Variants in LRP1B observed in about 807,000 individuals in gnomAD.
The protein encoded by LRP1B is low-density lipoprotein receptor-related protein 1B.
A neutral mutation model predicts 556.6 loss-of-function variants in LRP1B; 217 were observed. The observed-to-expected ratio is 0.39, with a 90% CI of 0.35 to 0.44. LRP1B has a LOEUF of 0.44. Ranked by LOEUF, LRP1B falls within the 20% of genes least tolerant of loss-of-function variation. The pLI is 1.00. For missense variants in LRP1B, 5,053 were observed against 5,620.8 expected (o/e 0.90, Z 3.23); for synonymous variants, 2,047 against 1,865.8 (o/e 1.10, Z -2.50).
chr2:140,675,763 C>T (rs995704693), intron 41 of LRP1B, among the ~76,000 whole-genome samples: 22 of 152,060 alleles, frequency 1.4e-4, no homozygotes, highest in African/African-American at 5.1e-4. Context: ...GGCAACAGAG[C>T]AAGACCCTGT....
chr2:141,398,815 C>T (rs550769443), intron 3 of LRP1B, among the ~76,000 whole-genome samples: 27 of 152,280 alleles, frequency 1.8e-4, no homozygotes, highest in African/African-American at 6.3e-4. Flanking sequence ...CTTGAGGGTC[C>T]GGCCAACAGC....
chr2:141,100,881 A>G (rs190963385), intron 7 of LRP1B, among the ~76,000 whole-genome samples: 2 of 152,096 alleles, frequency 1.3e-5, no homozygotes, highest in African/African-American at 4.8e-5. Flanking sequence ...GAAAAACAAC[A>G]TGGAGAACCC....
intron 35 of LRP1B, among the ~76,000 whole-genome samples, chr2:140,722,864 A>G (rs1687463515): frequency 6.6e-6 from 1 of 152,154 alleles, no homozygotes; most frequent in African/African-American, 2.4e-5. Flanking sequence ...TAACATGGTG[A>G]AACTCCATCT....
intron 6 of LRP1B, among the ~76,000 whole-genome samples, chr2:141,226,512 A>G (rs1183379327): frequency 6.6e-6 from 1 of 152,090 alleles, no homozygotes; most frequent in Admixed American, 6.6e-5. Context: ...TCCTTTGAAA[A>G]CTAAAATGTT....
intron 48 of LRP1B, 69 bp downstream of exon 48, chr2:140,526,168 T>G (rs1429835989): frequency 6.8e-7 from 1 of 1,470,212 alleles, no homozygotes; most frequent in Non-Finnish European, 9.5e-7. Context: ...AGTAAAATCT[T>G]GCACAGTGTT....
intron 77 of LRP1B, among the ~76,000 whole-genome samples, chr2:140,342,715 C>T (rs1681457562): frequency 6.6e-6 from 1 of 151,510 alleles, no homozygotes; most frequent in Admixed American, 6.6e-5. Context: ...GAAATCCCTA[C>T]TCAATCACCA....
chr2:141,239,716 A>C (rs565102969), intron 5 of LRP1B, among the ~76,000 whole-genome samples: 1 of 152,108 alleles, frequency 6.6e-6, no homozygotes, highest in Non-Finnish European at 1.5e-5. Flanking sequence ...GGGTGAGAAA[A>C]TTCTCTTTTA....
intron 7 of LRP1B, among the ~76,000 whole-genome samples, chr2:141,126,097 T>A (rs1403663483): frequency 1.3e-5 from 2 of 151,646 alleles, no homozygotes; most frequent in Non-Finnish European, 2.9e-5. Context: ...AATGGCAAGA[T>A]CTCAGCTCAC....
chr2:141,185,362 T>C (rs574107769), intron 7 of LRP1B, among the ~76,000 whole-genome samples: 1 of 152,164 alleles, frequency 6.6e-6, no homozygotes, highest in East Asian at 2.0e-4. Flanking sequence ...CTGTTTTTGA[T>C]GTTGGTTGGA....
intron 43 of LRP1B, among the ~76,000 whole-genome samples, chr2:140,544,945 T>C (rs1385044030): frequency 3.9e-5 from 6 of 152,140 alleles, no homozygotes; most frequent in Admixed American, 2.0e-4. Context: ...CTCTACAACC[T>C]TGGCAGCATC....
At chr2:141,714,799 T>C (rs1266707107) in intron 2 of LRP1B, among the ~76,000 whole-genome samples, 1 of 152,122 alleles carries the variant, frequency 6.6e-6, no homozygotes, top group East Asian at 1.9e-4. Flanking sequence ...AAAAGCAGGT[T>C]TGCTTTTTTC....
chr2:140,364,590 T>C, intron 72 of LRP1B, 71 bp downstream of exon 72: 1 of 1,562,548 alleles, frequency 6.4e-7, no homozygotes, highest in South Asian at 1.2e-5. Context: ...ACCTCCCCAC[T>C]TCATTGATTC....
chr2:141,865,591 C>CAAAAAAAAAAAAAAAAAAAAA (rs78227528), intron 1 of LRP1B, among the ~76,000 whole-genome samples: 1 of 43,218 alleles, frequency 2.3e-5, no homozygotes, highest in African/African-American at 6.8e-5. Flanking sequence ...GACTCCGTCT[C>CAAAAAAAAAAAAAAAAAAAAA]AAAAAAAAAA....
intron 35 of LRP1B, among the ~76,000 whole-genome samples, chr2:140,750,697 C>T (rs1353825367): frequency 6.6e-6 from 1 of 152,170 alleles, no homozygotes; most frequent in Non-Finnish European, 1.5e-5. Flanking sequence ...AGCCTTGTAA[C>T]TTATTGACTA....
chr2:141,987,740 C>T (rs1343044168), intron 1 of LRP1B, among the ~76,000 whole-genome samples: 1 of 151,738 alleles, frequency 6.6e-6, no homozygotes, highest in Non-Finnish European at 1.5e-5. Flanking sequence ...TAATACTTTA[C>T]ATTTTTTATT....
rs147305771 is a variant in LRP1B at position 140,609,049 on chromosome 2, G to A, written c.6800-7410C>T. ...ACATATATGTGATATCATTGTGTCA[G>A]TCCTTCTGTAGTCACCGGAGATAAG... On this transcript the variant is annotated intron_variant, in intron 41 of 90. Coordinates refer to ENST00000389484, the MANE Select transcript of LRP1B (RefSeq NM_018557.3). Among the ~76,000 whole-genome samples, 751 of 152,254 alleles carry A rather than the reference G, an allele frequency of 4.9e-3. 4 individuals carry two copies. Among genetic ancestry groups the A allele is most frequent in the Non-Finnish European group, 7.5e-3 (508 of 68,012 alleles).
intron 11 of LRP1B, among the ~76,000 whole-genome samples, chr2:141,041,232 T>C (rs1268213888): frequency 6.6e-6 from 1 of 151,944 alleles, no homozygotes; most frequent in African/African-American, 2.4e-5. Flanking sequence ...AGCAAGGGGG[T>C]AGGAGCACAG....
At chr2:141,159,511 T>G (rs1702151216) in intron 7 of LRP1B, among the ~76,000 whole-genome samples, 1 of 152,024 alleles carries the variant, frequency 6.6e-6, no homozygotes, top group Non-Finnish European at 1.5e-5. Flanking sequence ...GGACTACAGG[T>G]GCACACAACT....
At chr2:140,620,262 G>T (rs540966265) in intron 41 of LRP1B, among the ~76,000 whole-genome samples, 2 of 152,148 alleles carry the variant, frequency 1.3e-5, no homozygotes, top group Non-Finnish European at 2.9e-5. Context: ...AAAAATGACA[G>T]TTATCGAGTT....
Sources: allele counts gnomAD v4.1 joint callset (sites outside exome capture counted in the v4.1 genomes callset), GRCh38; gene constraint gnomAD v4.1.1; transcripts MANE v1.5; gene names NCBI Gene and HGNC (gene_info 2026-07-23, HGNC 2026-07-21).